CASP8: variants seen among roughly 807,000 people sequenced by gnomAD.
The protein encoded by CASP8 is caspase 8, also known as caspase-8.
In CASP8, 24 loss-of-function variants were observed where a neutral mutation model predicts 46.3. The ratio of observed to expected loss-of-function variants is 0.52; its 90% CI spans 0.38 to 0.73. The LOEUF (loss-of-function observed/expected upper bound fraction) is 0.73, where lower values mean the gene tolerates loss of function less well. Ranked by LOEUF, CASP8 falls within the 30% of genes least tolerant of loss-of-function variation. CASP8 has a pLI of 0.00. For missense variants in CASP8, 460 were observed against 559.0 expected, an observed-to-expected ratio of 0.82 and a Z score of 1.79; for synonymous variants, 188 against 200.4, an observed-to-expected ratio of 0.94 and a Z score of 0.52.
chr2:201,242,051 C>T (rs1299424073), intron 2 of CASP8: 1 of 152,156 alleles, frequency 6.6e-6, no homozygotes, highest in Non-Finnish European at 1.5e-5. Context: ...AGAGTCTCAA[C>T]ATCATCAAGA....
At chr2:201,263,427 G>A (rs1159275827) in intron 1 of CASP8, among the ~76,000 whole-genome samples, 2 of 152,166 alleles carry the variant, frequency 1.3e-5, no homozygotes, top group Non-Finnish European at 2.9e-5. Context: ...AATACAAGAT[G>A]TACTTACCAG....
At chr2:201,236,247 T>C (rs1946042525) in intron 2 of CASP8, among the ~76,000 whole-genome samples, 1 of 152,260 alleles carries the variant, frequency 6.6e-6, no homozygotes, top group Non-Finnish European at 1.5e-5. Flanking sequence ...AGCCTTGCTT[T>C]AGCGGCATCC....
intron 2 of CASP8, among the ~76,000 whole-genome samples, chr2:201,234,980 CTGTA>C (rs1945986898): frequency 6.6e-6 from 1 of 152,100 alleles, no homozygotes; most frequent in Non-Finnish European, 1.5e-5. Context: ...ATTACAGTGA[CTGTA>C]TGAATGAGGA....
Position 201,276,914 on chromosome 2 carries a change from A to G in CASP8, c.748A>G (p.Lys250Glu). The G allele has an allele frequency of 6.2e-7, 1 of 1,614,142 alleles. No homozygotes were observed. Among genetic ancestry groups the G allele is most frequent in the Non-Finnish European group, 8.5e-7 (1 of 1,179,954 alleles). ...NNHNFAKARE[K>E]VPKLHSIRDR... is the part of the protein sequence containing the mutation. ...TCACAATTTTGCAAAAGCACGGGAG[A>G]AAGTGCCCAAACTTCACAGCATTAG... is the stretch of plus-strand genomic sequence containing the variant. The change falls in exon 7 of 9, where the codon AAA becomes GAA. Residue 250 changes from lysine (K) to glutamate (E), a missense_variant. Lys to Glu is a moderately conservative substitution (Grantham distance 56). Transcript: ENST00000673742.
At chr2:201,279,218 C>T (rs1232805720) in intron 7 of CASP8, among the ~76,000 whole-genome samples, 2 of 152,244 alleles carry the variant, frequency 1.3e-5, no homozygotes, top group East Asian at 3.8e-4. Context: ...TCTCATAGAG[C>T]CAGCAACTAT....
rs775385405 is a variant in CASP8 at position 201,286,529 on chromosome 2, A to T, written c.1375A>T (p.Met459Leu). Residue 459 changes from methionine (M) to leucine (L), a missense_variant, in exon 9 of 9, where the codon ATG becomes TTG. Met to Leu is a conservative substitution (Grantham distance 15, BLOSUM62 2). Coordinates refer to ENST00000673742, the MANE Select transcript of CASP8 (RefSeq NM_001372051.1). ...EVSNKDDKKN[M>L]GKQMPQPTFT... The stretch of plus-strand genomic sequence containing the variant: ...AAGCAACAAGGATGACAAGAAAAAC[A>T]TGGGGAAACAGATGCCTCAGCCTAC... 6.2e-7 allele frequency: 1 copy of T among 1,614,042 alleles called. No homozygotes were observed. The highest frequency in any genetic ancestry group is 8.5e-7 in the Non-Finnish European group (1 of 1,179,880).
rs1029589737 is a variant in CASP8, at chr2:201,272,207, C to G, written c.412-431C>G. On this transcript the variant is annotated intron_variant, in intron 3 of 8. Coordinates refer to ENST00000673742, the MANE Select transcript of CASP8 (RefSeq NM_001372051.1). The surrounding 1 kb of genome is among the most constrained non-coding windows in gnomAD (Gnocchi z 4.4). Reference sequence around the variant, plus strand: ...TGAGTATACTCTGTGTGTGTTGTATCTGTGTGTGTATGTGCATGTGGTGTC... The same window carrying G: ...TGAGTATACTCTGTGTGTGTTGTATGTGTGTGTGTATGTGCATGTGGTGTC... Among the ~76,000 whole-genome samples, 14 of 151,052 alleles carry G rather than the reference C, an allele frequency of 9.3e-5. No homozygotes were observed. Among genetic ancestry groups the G allele is most frequent in the African/African-American group, 3.4e-4 (14 of 41,054 alleles).
intron 2 of CASP8, among the ~76,000 whole-genome samples, chr2:201,246,422 G>A (rs1946523905): frequency 6.6e-6 from 1 of 152,096 alleles, no homozygotes; most frequent in Non-Finnish European, 1.5e-5. Flanking sequence ...TCGTGTCTCG[G>A]AACTGGAAGT....
Position 201,272,339 on chromosome 2 carries a change from G to T in CASP8, c.412-299G>T, listed in dbSNP as rs922153882. Among the ~76,000 whole-genome samples, 1 of 152,052 alleles carries T rather than the reference G, an allele frequency of 6.6e-6. No individual in the cohort carries two copies. Among genetic ancestry groups the T allele is most frequent in the Non-Finnish European group, 1.5e-5 (1 of 68,012 alleles). On this transcript the variant is annotated intron_variant, in intron 3 of 8. Transcript: ENST00000673742. The surrounding 1 kb of genome is among the most constrained non-coding windows in gnomAD (Gnocchi z 4.4). ...CCATGATGACCGGGCTGCTGTCTCA[G>T]GTTGTTTCACAGTCCCCAAGTAATG...
chr2:201,285,863 T>G (rs1010767133), intron 8 of CASP8, among the ~76,000 whole-genome samples: 1 of 152,216 alleles, frequency 6.6e-6, no homozygotes. Flanking sequence ...CTGTATTTCA[T>G]GTTTTGAGTA....
chr2:201,272,258 A>G lies in CASP8; in HGVS notation c.412-380A>G, dbSNP rs1453274281. Among the ~76,000 whole-genome samples the G allele has an allele frequency of 2.0e-5, 3 of 151,652 alleles. No individual in the cohort carries two copies. Among genetic ancestry groups the G allele is most frequent in the Admixed American group, 2.0e-4 (3 of 15,200 alleles). ...TGTGTGTGTGTGTCTGTGTGTCTGT[A>G]TGTACTCAGGTCTGGAGAGGCAATG... On this transcript the variant is annotated intron_variant, in intron 3 of 8. Coordinates refer to ENST00000673742, the MANE Select transcript of CASP8 (RefSeq NM_001372051.1). The surrounding 1 kb of genome is among the most constrained non-coding windows in gnomAD (Gnocchi z 4.4).
rs1040732217 is a variant in CASP8 at position 201,286,708 on chromosome 2, C to T, written c.*114C>T. 23 of 891,700 alleles carry T rather than the reference C, an allele frequency of 2.6e-5. No homozygotes were observed. The highest frequency in any genetic ancestry group is 1.4e-4 in the South Asian group (10 of 70,102). The allele number at this position is 891,700 out of a possible 1,614,324, so 55.2% of individuals were successfully genotyped here. ...TCGGCTCACCGCAAGCTCCGCCTCC[C>T]GGGTTCAGGCCATTCTCCTGCCTCA... On this transcript the variant is annotated 3_prime_UTR_variant, in exon 9 of 9. Coordinates refer to ENST00000673742, the MANE Select transcript of CASP8 (RefSeq NM_001372051.1).
upstream of CASP8, among the ~76,000 whole-genome samples, chr2:201,259,472 A>G (rs895876190): frequency 6.6e-6 from 1 of 152,166 alleles, no homozygotes; most frequent in Non-Finnish European, 1.5e-5. Flanking sequence ...CACGGTGGCC[A>G]TCCAGGCATT....
At chr2:201,276,117 C>G (rs1948613450) in intron 6 of CASP8, among the ~76,000 whole-genome samples, 2 of 152,122 alleles carry the variant, frequency 1.3e-5, no homozygotes, top group South Asian at 4.1e-4. Context: ...ACGCAGACCT[C>G]CAACTAAATG....
chr2:201,253,478 A>T (rs770230434), intron 2 of CASP8, among the ~76,000 whole-genome samples: 3 of 151,778 alleles, frequency 2.0e-5, no homozygotes, highest in South Asian at 2.1e-4. Flanking sequence ...ACCAGTGAGG[A>T]TCTAATGATA....
At chr2:201,243,498 T>A (rs1378167382) in intron 2 of CASP8, among the ~76,000 whole-genome samples, 1 of 152,204 alleles carries the variant, frequency 6.6e-6, no homozygotes, top group Non-Finnish European at 1.5e-5. Context: ...AAAAATCCTA[T>A]AATCATCTCA....
At chr2:201,278,024 A>G (rs1307928775) in intron 7 of CASP8, 1 of 165,734 alleles carries the variant, frequency 6.0e-6, no homozygotes, top group Non-Finnish European at 1.3e-5. Context: ...TGATTTGTTT[A>G]TTTAAGCAAA....
upstream of CASP8, among the ~76,000 whole-genome samples, chr2:201,256,541 ATTAGT>A (rs983754406): frequency 6.6e-5 from 10 of 152,212 alleles, no homozygotes; most frequent in African/African-American, 2.4e-4. Flanking sequence ...ACCAGTCACT[ATTAGT>A]TTAAATTTGT....
intron 2 of CASP8, among the ~76,000 whole-genome samples, chr2:201,254,923 G>A (rs1946947987): frequency 6.6e-6 from 1 of 152,130 alleles, no homozygotes; most frequent in Non-Finnish European, 1.5e-5. Context: ...AGCTTCCCTG[G>A]GACTAAGGAC....
Sources: allele counts gnomAD v4.1 joint callset (sites outside exome capture counted in the v4.1 genomes callset), GRCh38; gene constraint gnomAD v4.1.1; non-coding constraint Gnocchi (gnomAD v3.1); transcripts MANE v1.5; gene names NCBI Gene and HGNC (gene_info 2026-07-23, HGNC 2026-07-21).